The following PPP6R3 variants were observed in gnomAD, a reference collection of about 807,000 sequenced individuals.
The protein encoded by PPP6R3 is serine/threonine-protein phosphatase 6 regulatory subunit 3.
PPP6R3 carries 38 observed loss-of-function variants against 110.7 expected under a neutral mutation model. The ratio of observed to expected loss-of-function variants is 0.34; its 90% CI spans 0.26 to 0.45. The LOEUF is 0.45. PPP6R3 is among the 20% of genes least tolerant of loss of function. The pLI is 1.00. For synonymous variants in PPP6R3, 369 were observed against 373.5 expected (o/e 0.99, Z 0.14); for missense variants, 870 against 1,062.4 (o/e 0.82, Z 2.52).
Position 68,564,414 on chromosome 11 carries a change from C to A in PPP6R3, c.957C>A (p.Leu319=), listed in dbSNP as rs755620010. 2 of 1,614,012 alleles carry A rather than the reference C, an allele frequency of 1.2e-6. No homozygotes were observed. The highest frequency in any genetic ancestry group is 1.7e-6 in the Non-Finnish European group (2 of 1,179,952). The change falls in exon 9 of 24, where the codon CTC becomes CTA. Residue 319 remains leucine, a synonymous_variant. Transcript: ENST00000393800. ...IRGRLGSFHE[L]LLEPPKKSVM... ...GAAGACTTGGATCTTTTCATGAACT[C>A]CTGCTGGAGCCACCCAAGGTAGGGG...
At chr11:68,558,458 C>A in intron 7 of PPP6R3, 108 bp from the exon 8 acceptor site, 1 of 645,994 alleles carries the variant, frequency 1.5e-6, no homozygotes, top group Non-Finnish European at 2.7e-6. Context: ...ACAAATATGC[C>A]CAAGTATGAA....
chr11:68,466,341 G>T (rs1591476059), intron 1 of PPP6R3, among the ~76,000 whole-genome samples: 1 of 152,114 alleles, frequency 6.6e-6, no homozygotes, highest in African/African-American at 2.4e-5. Flanking sequence ...TTGGATACCA[G>T]GTAGGTTGGC....
chr11:68,594,329 AGAGAGT>A (rs1253534542), intron 18 of PPP6R3, among the ~76,000 whole-genome samples: 6 of 130,972 alleles, frequency 4.6e-5, no homozygotes, highest in Non-Finnish European at 9.3e-5. Flanking sequence ...AAAAAGAGAG[AGAGAGT>A]GAGAGAGAGA....
intron 1 of PPP6R3, among the ~76,000 whole-genome samples, chr11:68,494,102 C>CA (rs11369178): frequency 0.65 from 76,458 of 117,984 alleles, 24,041 homozygotes; most frequent in South Asian, 0.81. Context: ...GACTCCATCT[C>CA]AAAAAAAAAA....
chr11:68,523,607 C>T (rs188386748), intron 2 of PPP6R3, among the ~76,000 whole-genome samples: 157 of 151,784 alleles, frequency 1.0e-3, no homozygotes, highest in African/African-American at 3.6e-3. Context: ...GGGGATCTGT[C>T]GCACCACTCA....
At chr11:68,554,356 T>G in intron 7 of PPP6R3, 99 bp downstream of exon 7, 1 of 900,224 alleles carries the variant, frequency 1.1e-6, no homozygotes, top group Non-Finnish European at 1.6e-6. Flanking sequence ...GTGGGAATCA[T>G]GTGCCTTGAA....
intron 22 of PPP6R3, among the ~76,000 whole-genome samples, chr11:68,607,705 T>C (rs1308084414): frequency 6.6e-6 from 1 of 152,208 alleles, no homozygotes; most frequent in Non-Finnish European, 1.5e-5. Flanking sequence ...CTATCTCATC[T>C]GTCTGTCATC....
chr11:68,599,326 A>C (rs1218163050), intron 19 of PPP6R3, among the ~76,000 whole-genome samples: 1 of 152,276 alleles, frequency 6.6e-6, no homozygotes, highest in Admixed American at 6.5e-5. Context: ...ACCTGACTTC[A>C]TCAGAAGGGA....
chr11:68,603,581 T>G (rs771584072), intron 22 of PPP6R3, 89 bp downstream of exon 22: 2 of 1,467,898 alleles, frequency 1.4e-6, no homozygotes, highest in South Asian at 2.4e-5. Context: ...TTTAATTTGA[T>G]TCAAATGAAT....
intron 14 of PPP6R3, among the ~76,000 whole-genome samples, chr11:68,579,021 G>A (rs2153814490): frequency 6.6e-6 from 1 of 152,270 alleles, no homozygotes; most frequent in East Asian, 1.9e-4. Context: ...CTTCCCCAAG[G>A]GGGAAAATGT....
At chr11:68,573,840 G>C (rs574339854) in intron 12 of PPP6R3, among the ~76,000 whole-genome samples, 1 of 152,316 alleles carries the variant, frequency 6.6e-6, no homozygotes, top group East Asian at 1.9e-4. Context: ...GACAGTGAGT[G>C]ATGATTTTTG....
chr11:68,612,763 C>T (rs1944230473), intron 23 of PPP6R3: 1 of 370,056 alleles, frequency 2.7e-6, no homozygotes, highest in African/African-American at 2.1e-5. Context: ...CAGTTTATAC[C>T]CCACTGACCT....
chr11:68,532,206 T>C (rs2099244843), intron 2 of PPP6R3, among the ~76,000 whole-genome samples: 2 of 152,190 alleles, frequency 1.3e-5, no homozygotes, highest in Non-Finnish European at 2.9e-5. Flanking sequence ...GGTTTTAAAA[T>C]AATTTTAGAG....
At chr11:68,489,551 T>TG (rs60973933) in intron 1 of PPP6R3, among the ~76,000 whole-genome samples, 49,467 of 126,028 alleles carry the variant, frequency 0.39, 9,653 homozygotes, top group African/African-American at 0.59. Context: ...ATACTGTGTG[T>TG]TTGTGTGTGT....
At chr11:68,603,617 CTGT>C in intron 22 of PPP6R3, 125 bp downstream of exon 22, 1 of 1,205,498 alleles carries the variant, frequency 8.3e-7, no homozygotes, top group Non-Finnish European at 1.2e-6. Context: ...TGATGTCTTT[CTGT>C]TGTCTCCATT....
chr11:68,462,283 CTG>C (rs1295260528), intron 1 of PPP6R3, among the ~76,000 whole-genome samples: 1 of 152,102 alleles, frequency 6.6e-6, no homozygotes, highest in Non-Finnish European at 1.5e-5. Context: ...TTAGAAAGCT[CTG>C]TGTAAGACTC....
intron 10 of PPP6R3, among the ~76,000 whole-genome samples, chr11:68,567,648 T>A (rs1295045909): frequency 6.6e-6 from 1 of 152,152 alleles, no homozygotes; most frequent in Non-Finnish European, 1.5e-5. Flanking sequence ...CAGGGATGAT[T>A]TAGGTCTCCC....
At chr11:68,490,296 T>A (rs923937029) in intron 1 of PPP6R3, among the ~76,000 whole-genome samples, 2 of 152,210 alleles carry the variant, frequency 1.3e-5, no homozygotes, top group African/African-American at 2.4e-5. Flanking sequence ...AAGTTAGATG[T>A]AATTCTTGCC....
rs563262318 is a variant in PPP6R3, at chr11:68,582,376, A to C, written c.1546-667A>C. Among the ~76,000 whole-genome samples, 3 of 152,372 alleles carry C rather than the reference A, an allele frequency of 2.0e-5. No homozygotes were observed. The South Asian group carries it at 6.2e-4, about 32-fold the overall frequency. On this transcript the variant is annotated intron_variant, in intron 14 of 23. Coordinates refer to ENST00000393800, the MANE Select transcript of PPP6R3 (RefSeq NM_001164161.2). ...TTGTGTGACATTTGTAATTAATAAA[A>C]ATCACTTAACGATGAATTGGTGAGC... is the stretch of plus-strand genomic sequence containing the variant.
Sources: allele counts gnomAD v4.1 joint callset (sites outside exome capture counted in the v4.1 genomes callset), GRCh38; gene constraint gnomAD v4.1.1; transcripts MANE v1.5; gene names NCBI Gene and HGNC (gene_info 2026-07-23, HGNC 2026-07-21).